The following FLG2 variants were observed in gnomAD, a reference collection of about 807,000 sequenced individuals.
FLG2 encodes filaggrin-2.
In FLG2, 7 loss-of-function variants were observed where a neutral mutation model predicts 3.9. That is an observed-to-expected ratio of 1.79 (90% CI 1.02 to 3.36). The LOEUF (loss-of-function observed/expected upper bound fraction) is 3.36, where lower values mean the gene tolerates loss of function less well. Among genes scored for constraint, FLG2 ranks in the 30% most tolerant of loss-of-function variants. FLG2 has a pLI of 0.00. For synonymous variants in FLG2, 1,031 were observed against 1,056.1 expected (o/e 0.98, Z 0.46); for missense variants, 2,700 against 2,809.4 (o/e 0.96, Z 0.88).
intron 2 of FLG2, among the ~76,000 whole-genome samples, chr1:152,358,186 T>C (rs1474687869): frequency 6.6e-6 from 1 of 152,088 alleles, no homozygotes; most frequent in Non-Finnish European, 1.5e-5. Flanking sequence ...CACGCCCGGC[T>C]AATTTTTTGT....
Position 152,353,079 on chromosome 1 carries a change from A to G in FLG2, c.4707T>C (p.Thr1569=), listed in dbSNP as rs755256022. 9.3e-6 allele frequency: 15 copies of G among 1,612,700 alleles called. No homozygotes were observed. In the East Asian group the frequency reaches 2.2e-4, roughly 24 times the overall value. Residue 1569 remains threonine, a synonymous_variant, in exon 3 of 3, where the codon ACT becomes ACC. Coordinates refer to ENST00000388718, the MANE Select transcript of FLG2 (RefSeq NM_001014342.3). Reference sequence around the variant, plus strand: ...CACTGTGGCTAGTTCTCTGTCTTCCAGTTGTCCTGGACCCTGTCTGTGTGG... The same window carrying G: ...CACTGTGGCTAGTTCTCTGTCTTCCGGTTGTCCTGGACCCTGTCTGTGTGG... ...EQTTQTGSRT[T]GRQRTSHSES... is the part of the protein sequence containing the mutation.
Position 152,350,530 on chromosome 1 carries a change from G to C in FLG2, c.*80C>G. 2.7e-6 allele frequency: 4 copies of C among 1,495,286 alleles called. No individual in the cohort carries two copies. Among genetic ancestry groups the C allele is most frequent in the Non-Finnish European group, 3.6e-6 (4 of 1,111,816 alleles). The allele number at this position is 1,495,286 out of a possible 1,614,324, so 92.6% of individuals were successfully genotyped here. ...AACTGAATGTTCATAACTTACCATT[G>C]ACTGTTCATGATTTAAACTGTGTCT... On this transcript the variant is annotated 3_prime_UTR_variant, in exon 3 of 3. Coordinates refer to ENST00000388718, the MANE Select transcript of FLG2 (RefSeq NM_001014342.3).
rs1653875991 is a variant in FLG2, at chr1:152,350,783, T to G, written c.7003A>C (p.Arg2335=). Residue 2335 remains arginine, a synonymous_variant, in exon 3 of 3, where the codon AGG becomes CGG. Transcript: ENST00000388718. ...ASHFQSHSSE[R]QRHGSSQVWK... ...ACCTGACTTGATCCATGCCTTTGCCTTTCACTACTATGTGACTGAAAATGA... is the reference window on the plus strand; with the variant it reads ...ACCTGACTTGATCCATGCCTTTGCCGTTCACTACTATGTGACTGAAAATGA... 1.2e-6 allele frequency: 2 copies of G among 1,614,098 alleles called. No individual in the cohort carries two copies. The highest frequency in any genetic ancestry group is 1.3e-5 in the African/African-American group (1 of 74,944).
chr1:152,354,816 A>T lies in FLG2; in HGVS notation c.2970T>A (p.His990Gln), dbSNP rs372685617. The stretch of plus-strand genomic sequence containing the variant: ...AATTAGACTGACTTGATCTAGACTC[A>T]TGCTGTCCAAAGCCAGAGGATTTTC... ...GSGKSSGFGQ[H>Q]ESRSSQSNYG... is the part of the protein sequence containing the mutation. The change falls in exon 3 of 3, where the codon CAT becomes CAA. Residue 990 changes from histidine (H) to glutamine (Q), a missense_variant. By Grantham distance (24) the His-to-Gln change is conservative. Transcript: ENST00000388718. 6.2e-7 allele frequency: 1 copy of T among 1,613,616 alleles called. No homozygotes were observed. Among genetic ancestry groups the T allele is most frequent in the Non-Finnish European group, 8.5e-7 (1 of 1,179,960 alleles).
rs370006712 is a variant in FLG2 at position 152,355,477 on chromosome 1, T to C, written c.2309A>G (p.Tyr770Cys). 1 of 1,612,272 alleles carries C rather than the reference T, an allele frequency of 6.2e-7. No individual in the cohort carries two copies. The highest frequency in any genetic ancestry group is 8.5e-7 in the Non-Finnish European group (1 of 1,179,706). ...ACTTGAGCCAGAACTGTGTTGGCCA[T>C]AGCTAGACTGACCTGATCTAGACTC... Reference protein sequence around the residue: ...QHESRSGQSSYGQHSSGSSQS... With the variant: ...QHESRSGQSSCGQHSSGSSQS... The change falls in exon 3 of 3, where the codon TAT becomes TGT. Residue 770 changes from tyrosine to cysteine, a missense_variant. By Grantham distance (194) the Tyr-to-Cys change is radical (BLOSUM62 -2). Coordinates refer to ENST00000388718, the MANE Select transcript of FLG2 (RefSeq NM_001014342.3).
chr1:152,353,714 C>T lies in FLG2; in HGVS notation c.4072G>A (p.Gly1358Arg). The change falls in exon 3 of 3, where the codon GGG becomes AGG. Residue 1358 changes from glycine (G) to arginine (R), a missense_variant. Transcript: ENST00000388718. ...TGTGAGTGTGGTCTATGTGAGACCC[C>T]TGAGTGCACTTCACTGTCAGTGGCA... ...SDATDSEVHSGVSHRPHSQEQ... is the reference protein window; with the variant it reads ...SDATDSEVHSRVSHRPHSQEQ... 6.2e-7 allele frequency: 1 copy of T among 1,614,134 alleles called. No individual in the cohort carries two copies. Among genetic ancestry groups the T allele is most frequent in the Non-Finnish European group, 8.5e-7 (1 of 1,180,022 alleles).
Position 152,351,145 on chromosome 1 carries a change from G to A in FLG2, c.6641C>T (p.Ser2214Leu). 6.2e-7 allele frequency: 1 copy of A among 1,613,810 alleles called. No individual in the cohort carries two copies. Among genetic ancestry groups the A allele is most frequent in the Non-Finnish European group, 8.5e-7 (1 of 1,179,972 alleles). ...AGSRHGQSGS[S>L]GHGRQGTTHG... ...AGTAGTTCCCTGTCTCCCATGACCT[G>A]AGGATCCTGACTGTCCATGTCGAGA... is the stretch of plus-strand genomic sequence containing the variant. The change falls in exon 3 of 3, where the codon TCA becomes TTA. Residue 2214 changes from serine (S) to leucine (L), a missense_variant. Transcript: ENST00000388718.
At position 152,351,398 on chromosome 1, in the gene FLG2, T is replaced by G; in HGVS notation, c.6388A>C (p.Arg2130=). The G allele has an allele frequency of 1.2e-6, 2 of 1,609,240 alleles. No individual in the cohort carries two copies. Among genetic ancestry groups the G allele is most frequent in the East Asian group, 4.5e-5 (2 of 44,536 alleles). The change falls in exon 3 of 3, where the codon AGA becomes CGA. Residue 2130 remains arginine (R), a synonymous_variant. Coordinates refer to ENST00000388718, the MANE Select transcript of FLG2 (RefSeq NM_001014342.3). ...THSGHTYGQA[R]SQHGESGSAI... ...GATCCTGACTCTCCATGTTGAGATC[T>G]GGCTTGGCCATAAGTGTGTCCTGAA...
rs777133900 is a variant in FLG2, at chr1:152,355,538, AC to A, written c.2247del (p.Ser750LeufsTer477). 1 of 1,612,520 alleles carries A rather than the reference AC, an allele frequency of 6.2e-7. No individual in the cohort carries two copies. The highest frequency in any genetic ancestry group is 8.5e-7 in the Non-Finnish European group (1 of 1,179,576). On this transcript the variant is annotated frameshift_variant, in exon 3 of 3. Coordinates refer to ENST00000388718, the MANE Select transcript of FLG2 (RefSeq NM_001014342.3). LOFTEE classifies it low-confidence loss of function (END_TRUNC). ...SGQSSGFGQHGSGSGQSSGFG... is the reference protein window; with the variant it reads ...SGQSSGFGQHXSGSGQSSGFG... ...AAGCCAGAGGATTGTCCTGAGCCAG[AC>A]CCATGTTGTCCAAAGCCAGAGGACT...
Position 152,353,610 on chromosome 1 carries a change from ATAAG to A in FLG2, c.4172_4175del (p.Thr1391MetfsTer144), listed in dbSNP as rs775639077. On this transcript the variant is annotated frameshift_variant, in exon 3 of 3. Transcript: ENST00000388718. LOFTEE classifies it low-confidence loss of function (END_TRUNC). ...GTCCAGTGGCCTCTCCTGTCTGTCC[ATAAG>A]TAGTTTCATGTCTCTCATGAACTGT... 6.2e-7 allele frequency: 1 copy of A among 1,613,788 alleles called. No homozygotes were observed. Among genetic ancestry groups the A allele is most frequent in the South Asian group, 1.1e-5 (1 of 91,058 alleles).
At position 152,357,072 on chromosome 1, in the gene FLG2, A is replaced by G. The variant is rs542245236; in HGVS notation, c.714T>C (p.Gly238=). Residue 238 remains glycine, a synonymous_variant, in exon 3 of 3, where the codon GGT becomes GGC. Coordinates refer to ENST00000388718, the MANE Select transcript of FLG2 (RefSeq NM_001014342.3). ...TAGTCTCCAATCCACATGACAGACC[A>G]CCATGACCTTTCCTTTCCCAACTGT... ...GSNSWERKGH[G]GLSCGLETSG... is the part of the protein sequence containing the mutation. The G allele has an allele frequency of 8.1e-6, 13 of 1,614,206 alleles. No homozygotes were observed. In the South Asian group the frequency reaches 1.4e-4, roughly 18 times the overall value.
rs1654175405 is a variant in FLG2 at position 152,355,447 on chromosome 1, G to T, written c.2339C>A (p.Ser780Ter). 1.2e-6 allele frequency: 2 copies of T among 1,612,334 alleles called. No homozygotes were observed. Among genetic ancestry groups the T allele is most frequent in the African/African-American group, 2.7e-5 (2 of 74,268 alleles). The stretch of plus-strand genomic sequence containing the variant: ...AGACCCATGTTGGCCATAGCCAGAT[G>T]ACTGACTTGAGCCAGAACTGTGTTG... ...YGQHSSGSSQ[S>*]SGYGQHGSRQ... is the part of the protein sequence containing the mutation. The change falls in exon 3 of 3, where the codon TCA becomes TAA. Residue 780 changes from serine to a stop codon, truncating the protein, a stop_gained. Transcript: ENST00000388718. LOFTEE classifies it low-confidence loss of function (END_TRUNC).
chr1:152,353,454 T>C lies in FLG2; in HGVS notation c.4332A>G (p.Glu1444=), dbSNP rs780685850. ...GAGATCCGGCTTGGCCATGAGTTTG[T>C]TCTTGTGATTGTGGTCTGTGTGAGC... ...SGGSHRPQSQ[E]QTHGQAGSQH... is the part of the protein sequence containing the mutation. Residue 1444 remains glutamate, a synonymous_variant, in exon 3 of 3, where the codon GAA becomes GAG. Coordinates refer to ENST00000388718, the MANE Select transcript of FLG2 (RefSeq NM_001014342.3). 6.8e-6 allele frequency: 11 copies of C among 1,608,758 alleles called. No homozygotes were observed. The highest frequency in any genetic ancestry group is 8.5e-6 in the Non-Finnish European group (10 of 1,178,666).
At position 152,354,093 on chromosome 1, in the gene FLG2, T is replaced by G; in HGVS notation, c.3693A>C (p.Thr1231=). Reference sequence around the variant, plus strand: ...GAGTAGTTTCCTGTCTCCCATGAACTGTGGATCCTGACTCTACTTGTTGAG... The same window carrying G: ...GAGTAGTTTCCTGTCTCCCATGAACGGTGGATCCTGACTCTACTTGTTGAG... ...GESQQVESGS[T]VHGRQETTHG... is the part of the protein sequence containing the mutation. Residue 1231 remains threonine (T), a synonymous_variant, in exon 3 of 3, where the codon ACA becomes ACC. Coordinates refer to ENST00000388718, the MANE Select transcript of FLG2 (RefSeq NM_001014342.3). 4.3e-6 allele frequency: 7 copies of G among 1,614,270 alleles called. No homozygotes were observed. The highest frequency in any genetic ancestry group is 5.1e-6 in the Non-Finnish European group (6 of 1,180,038).
Position 152,355,297 on chromosome 1 carries a change from G to T in FLG2, c.2489C>A (p.Ser830Tyr), listed in dbSNP as rs34976507. The T allele has an allele frequency of 1.9e-6, 3 of 1,611,204 alleles. No individual in the cohort carries two copies. The highest frequency in any genetic ancestry group is 1.4e-5 in the African/African-American group (1 of 73,798). The part of the protein sequence containing the change: ...FGQHGSGSGQ[S>Y]SGFGQHESRS... ...AGACTCATGCTGTCCAAAGCCAGAG[G>T]ATTGTCCTGAGCCAGACCCATGTTG... Residue 830 changes from serine (S) to tyrosine (Y), a missense_variant, in exon 3 of 3, where the codon TCC becomes TAC. Transcript: ENST00000388718.
At position 152,352,514 on chromosome 1, in the gene FLG2, C is replaced by T. The variant is rs1367478959; in HGVS notation, c.5272G>A (p.Glu1758Lys). The T allele has an allele frequency of 1.9e-6, 3 of 1,611,706 alleles. No individual in the cohort carries two copies. The highest frequency in any genetic ancestry group is 3.3e-5 in the Admixed American group (2 of 59,744). ...CTCTCATGAACTATGGATTCTGACT[C>T]TCCATGTTGAGATCTGGCTTGGCCA... ...THGQARSQHG[E>K]SESIVHERHG... The change falls in exon 3 of 3, where the codon GAG becomes AAG. Residue 1758 changes from glutamate to lysine, a missense_variant. Transcript: ENST00000388718.
In FLG2 at chr1:152,357,154, G is replaced by C. The variant is rs1050823116; in HGVS notation, c.632C>G (p.Ser211Ter). The change falls in exon 3 of 3, where the codon TCA becomes TGA. Residue 211 changes from serine to a stop codon, truncating the protein, a stop_gained. Coordinates refer to ENST00000388718, the MANE Select transcript of FLG2 (RefSeq NM_001014342.3). LOFTEE classifies it low-confidence loss of function (END_TRUNC). ...AGATTCCCTAGAAGGGCTAATGTGT[G>C]ACTTGTTTATTCTTTCTCTCAGTTC... is the stretch of plus-strand genomic sequence containing the variant. ...SVELRERINK[S>*]HISPSRESGE... is the part of the protein sequence containing the mutation. The C allele has an allele frequency of 4.3e-5, 70 of 1,614,010 alleles. No homozygotes were observed. The highest frequency in any genetic ancestry group is 3.3e-4 in the Middle Eastern group (2 of 6,084).
In FLG2 at chr1:152,350,488, G is replaced by A. The variant is rs1653865553; in HGVS notation, c.*122C>T. The A allele has an allele frequency of 8.0e-7, 1 of 1,255,544 alleles. No individual in the cohort carries two copies. Among genetic ancestry groups the A allele is most frequent in the Non-Finnish European group, 1.1e-6 (1 of 920,946 alleles). The allele number at this position is 1,255,544 out of a possible 1,614,324, so 77.8% of individuals were successfully genotyped here. A position where few individuals can be genotyped will look rare whatever the true frequency, so the allele number is the denominator to read the frequency against. On this transcript the variant is annotated 3_prime_UTR_variant, in exon 3 of 3. Coordinates refer to ENST00000388718, the MANE Select transcript of FLG2 (RefSeq NM_001014342.3). ...CTGACTTCTTATAATAATAGGTCGA[G>A]ACTGATACTGAGAATCAACTGAATG...
In FLG2 at chr1:152,352,777, G is replaced by A; in HGVS notation, c.5009C>T (p.Thr1670Ile). 1 of 1,613,500 alleles carries A rather than the reference G, an allele frequency of 6.2e-7. No individual in the cohort carries two copies. Among genetic ancestry groups the A allele is most frequent in the Non-Finnish European group, 8.5e-7 (1 of 1,179,878 alleles). ...EVHSGVSHTH[T>I]GHTHGQAGSQ... ...TCCAGCTTGACCATGAGTGTGTCCT[G>A]TATGTGTGTGTGAGACCCCTGAGTG... is the stretch of plus-strand genomic sequence containing the variant. The change falls in exon 3 of 3, where the codon ACA (threonine) becomes ATA (isoleucine). Residue 1670 changes from threonine to isoleucine, a missense_variant. Coordinates refer to ENST00000388718, the MANE Select transcript of FLG2 (RefSeq NM_001014342.3).
Sources: gnomAD v4.1 joint callset for allele counts (sites outside exome capture counted in the v4.1 genomes callset) on GRCh38, gnomAD v4.1.1 for gene constraint, MANE v1.5 for transcripts, NCBI Gene and HGNC (gene_info 2026-07-23, HGNC 2026-07-21) for gene names.